ENPP6: variants seen among roughly 807,000 people sequenced by gnomAD.
ENPP6 encodes the protein glycerophosphocholine cholinephosphodiesterase ENPP6.
Under a neutral mutation model 42.0 loss-of-function variants are expected in ENPP6, and 32 were observed. That is an observed-to-expected ratio of 0.76 (90% CI 0.58 to 1.02). The LOEUF (loss-of-function observed/expected upper bound fraction) is 1.02. ENPP6 is among the 50% of genes least tolerant of loss of function. ENPP6 has a pLI of 0.00. For synonymous variants in ENPP6, 213 were observed against 216.0 expected (o/e 0.99, Z 0.12); for missense variants, 552 against 566.8 (o/e 0.97, Z 0.27).
intron 3 of ENPP6, 115 bp from the exon 4 acceptor site, chr4:184,118,015 G>T (rs1736354195): frequency 1.5e-6 from 2 of 1,303,214 alleles, no homozygotes; most frequent in East Asian, 2.5e-5. Context: ...TTGTCCCTGG[G>T]CCAGACAAAG....
rs941749161 is a variant in ENPP6, at chr4:184,184,599, T to C, written c.242-30866A>G. On this transcript the variant is annotated intron_variant, in intron 1 of 7. Coordinates refer to ENST00000296741, the MANE Select transcript of ENPP6 (RefSeq NM_153343.4). The surrounding 1 kb of genome is among the most constrained non-coding windows in gnomAD (Gnocchi z 4.7). ...CATTTGGAAGAAGGGTCTTAGCAGA[T>C]GTCACTAAGTTAAGGGTTTCAGGAT... Among the ~76,000 whole-genome samples, 1 of 152,082 alleles carries C rather than the reference T, an allele frequency of 6.6e-6. No homozygotes were observed. The highest frequency in any genetic ancestry group is 2.4e-5 in the African/African-American group (1 of 41,400).
intron 6 of ENPP6, among the ~76,000 whole-genome samples, chr4:184,100,713 A>T (rs1343044153): frequency 6.6e-6 from 1 of 152,180 alleles, no homozygotes; most frequent in African/African-American, 2.4e-5. Context: ...AATTCACTCC[A>T]TGCAGGCAGA....
chr4:184,112,578 T>A (rs1736215654), intron 6 of ENPP6, 94 bp downstream of exon 6: 1 of 1,449,170 alleles, frequency 6.9e-7, no homozygotes, highest in East Asian at 2.4e-5. Context: ...TGAAAAAATC[T>A]TTTATGTATA....
chr4:184,145,625 A>C (rs764047568), intron 2 of ENPP6, among the ~76,000 whole-genome samples: 40 of 152,360 alleles, frequency 2.6e-4, no homozygotes, highest in Middle Eastern at 3.4e-3. Context: ...CAGGCCACAC[A>C]AGAAAACCAC....
chr4:184,108,851 T>C (rs1047633105), intron 6 of ENPP6, among the ~76,000 whole-genome samples: 3 of 152,380 alleles, frequency 2.0e-5, no homozygotes, highest in East Asian at 1.9e-4. Context: ...TCTCTTTGAA[T>C]TGGCTTCTTG....
intron 2 of ENPP6, among the ~76,000 whole-genome samples, chr4:184,132,556 A>C (rs1183652814): frequency 6.7e-6 from 1 of 150,052 alleles, no homozygotes; most frequent in East Asian, 2.0e-4. Flanking sequence ...TCATTTTTCT[A>C]CACTGTTAGT....
intron 2 of ENPP6, among the ~76,000 whole-genome samples, chr4:184,139,807 G>A (rs557988821): frequency 1.8e-4 from 13 of 72,832 alleles, no homozygotes; most frequent in East Asian, 6.8e-4. Flanking sequence ...GAATAATGCC[G>A]CAATAAACAT....
intron 2 of ENPP6, among the ~76,000 whole-genome samples, chr4:184,139,420 T>C (rs1039860143): frequency 4.0e-5 from 6 of 150,416 alleles, no homozygotes; most frequent in African/African-American, 7.3e-5. Context: ...GTTAGTTACA[T>C]ATGTATACAT....
At chr4:184,177,870 G>A (rs1732470024) in intron 1 of ENPP6, among the ~76,000 whole-genome samples, 1 of 151,402 alleles carries the variant, frequency 6.6e-6, no homozygotes, top group Non-Finnish European at 1.5e-5. Context: ...CCATCCAAAT[G>A]TCAGCAGCCT....
In ENPP6 at chr4:184,198,882, G is replaced by A. The variant is rs556072863; in HGVS notation, c.241+18697C>T. Among the ~76,000 whole-genome samples, 4 of 152,280 alleles carry A rather than the reference G, an allele frequency of 2.6e-5. No individual in the cohort carries two copies. In the East Asian group the frequency reaches 7.7e-4, roughly 29 times the overall value. ...ATCTGTCCAGTTGCCATCCAGATAG[G>A]TACCATGATTCCTGGTTTCTTAGGC... On this transcript the variant is annotated intron_variant, in intron 1 of 7. Transcript: ENST00000296741.
chr4:184,105,630 A>G (rs556358546), intron 6 of ENPP6, among the ~76,000 whole-genome samples: 2 of 152,336 alleles, frequency 1.3e-5, no homozygotes, highest in African/African-American at 2.4e-5. Context: ...GAGGTACTTC[A>G]TTCCAGATAG....
At chr4:184,157,080 T>C (rs1427884224) in intron 1 of ENPP6, among the ~76,000 whole-genome samples, 1 of 152,236 alleles carries the variant, frequency 6.6e-6, no homozygotes, top group Non-Finnish European at 1.5e-5. Flanking sequence ...TAAGTCAGTT[T>C]AGTGATAATC....
intron 1 of ENPP6, among the ~76,000 whole-genome samples, chr4:184,208,571 C>G (rs1037719044): frequency 6.6e-6 from 1 of 151,852 alleles, no homozygotes; most frequent in Non-Finnish European, 1.5e-5. Context: ...ATAACCCGCA[C>G]CTGGCTGGGA....
Position 184,091,325 on chromosome 4 carries a change from A to T in ENPP6, c.1175T>A (p.Met392Lys). 6.2e-7 allele frequency: 1 copy of T among 1,614,060 alleles called. No homozygotes were observed. Among genetic ancestry groups the T allele is most frequent in the South Asian group, 1.1e-5 (1 of 91,038 alleles). ...PIRSVDVYNV[M>K]CNVVGITPLP... ...CGGGGTGATGCCCACCACATTGCAC[A>T]TGACATTGTAGACGTCCACCGACCT... Residue 392 changes from methionine to lysine, a missense_variant, in exon 8 of 8, where the codon ATG becomes AAG. By Grantham distance (95) the Met-to-Lys change is moderately conservative. Transcript: ENST00000296741.
chr4:184,113,108 C>T (rs184473109), intron 5 of ENPP6, among the ~76,000 whole-genome samples: 1 of 152,294 alleles, frequency 6.6e-6, no homozygotes, highest in East Asian at 1.9e-4. Context: ...ACCCTGCAAA[C>T]TGGAACAGCC....
At chr4:184,168,832 C>T (rs1275864213) in intron 1 of ENPP6, among the ~76,000 whole-genome samples, 1 of 152,176 alleles carries the variant, frequency 6.6e-6, no homozygotes, top group Non-Finnish European at 1.5e-5. Context: ...CAAACGCGAG[C>T]CTCGGGGCCT....
At chr4:184,187,791 A>G (rs1732656745) in intron 1 of ENPP6, among the ~76,000 whole-genome samples, 1 of 152,122 alleles carries the variant, frequency 6.6e-6, no homozygotes, top group African/African-American at 2.4e-5. Context: ...TGTTTTGTTC[A>G]TTTGTATCTC....
chr4:184,162,407 T>G (rs1737275574), intron 1 of ENPP6, among the ~76,000 whole-genome samples: 1 of 152,196 alleles, frequency 6.6e-6, no homozygotes, highest in Non-Finnish European at 1.5e-5. Context: ...AAAGTTTGCT[T>G]TTTCTACAAA....
chr4:184,209,440 C>T (rs1277495775), intron 1 of ENPP6, among the ~76,000 whole-genome samples: 13 of 151,592 alleles, frequency 8.6e-5, no homozygotes, highest in Admixed American at 2.6e-4. Flanking sequence ...GTGAAGAATG[C>T]AGAAGCCTCA....
Sources: gnomAD v4.1 joint callset for allele counts (sites outside exome capture counted in the v4.1 genomes callset) on GRCh38, gnomAD v4.1.1 for gene constraint, Gnocchi (gnomAD v3.1) non-coding constraint, MANE v1.5 for transcripts, NCBI Gene and HGNC (gene_info 2026-07-23, HGNC 2026-07-21) for gene names.